The following CSMD1 variants were observed in gnomAD, a reference collection of about 807,000 sequenced individuals.
CSMD1 encodes the protein CUB and Sushi multiple domains 1.
In CSMD1, 213 loss-of-function variants were observed where a neutral mutation model predicts 417.5. The observed-to-expected ratio is 0.51, with a 90% CI of 0.46 to 0.57. The LOEUF (loss-of-function observed/expected upper bound fraction) is 0.57. CSMD1 is among the 20% of genes least tolerant of loss of function. The probability of loss-of-function intolerance (pLI) is 0.00; values close to 1 mark genes in which losing one functional copy is unlikely to be tolerated. For synonymous variants in CSMD1, 2,862 were observed against 1,736.8 expected (o/e 1.65, Z -16.11); for missense variants, 6,923 against 4,529.7 (o/e 1.53, Z -15.17).
chr8:3,751,712 A>T (rs1401935822), intron 6 of CSMD1, among the ~76,000 whole-genome samples: 1 of 152,062 alleles, frequency 6.6e-6, no homozygotes, highest in Non-Finnish European at 1.5e-5. Context: ...TGAGTTTCTT[A>T]TATCTACCAT....
At position 3,932,096 on chromosome 8, in the gene CSMD1, A is replaced by G. The variant is rs1475243694; in HGVS notation, c.818+65807T>C. 1.3e-4 allele frequency among the ~76,000 whole-genome samples: 20 copies of G among 150,528 alleles called. 2 individuals carry two copies. The highest frequency in any genetic ancestry group is 1.3e-3 in the Admixed American group (19 of 15,122). Reference sequence around the variant, plus strand: ...ATATCTATTGGAATGACACACATCCAGAATAACATTCTTGAAAGTAGATGA... The same window carrying G: ...ATATCTATTGGAATGACACACATCCGGAATAACATTCTTGAAAGTAGATGA... On this transcript the variant is annotated intron_variant, in intron 5 of 69. Transcript: ENST00000635120.
chr8:2,964,502 G>A (rs914139468), intron 59 of CSMD1, among the ~76,000 whole-genome samples: 1 of 152,330 alleles, frequency 6.6e-6, no homozygotes, highest in Admixed American at 6.5e-5. Context: ...GACAGAGAGA[G>A]AAAGAGGTCC....
At chr8:4,690,469 A>G (rs879508038) in intron 1 of CSMD1, among the ~76,000 whole-genome samples, 4 of 152,190 alleles carry the variant, frequency 2.6e-5, no homozygotes, top group Admixed American at 2.0e-4. Flanking sequence ...CAAAATTTGT[A>G]TTTTAAAAGT....
intron 1 of CSMD1, among the ~76,000 whole-genome samples, chr8:4,758,348 G>A (rs182031676): frequency 6.6e-6 from 1 of 152,142 alleles, no homozygotes; most frequent in Non-Finnish European, 1.5e-5. Flanking sequence ...TTTAGAATTT[G>A]CCTCTATGTA....
intron 5 of CSMD1, among the ~76,000 whole-genome samples, chr8:3,981,017 C>A (rs1373263447): frequency 6.6e-6 from 1 of 152,128 alleles, no homozygotes; most frequent in African/African-American, 2.4e-5. Context: ...CTTCAAGGTT[C>A]AACTATCCTG....
chr8:3,745,897 A>T (rs528892289), intron 6 of CSMD1, among the ~76,000 whole-genome samples: 1 of 152,146 alleles, frequency 6.6e-6, no homozygotes, highest in Non-Finnish European at 1.5e-5. Flanking sequence ...AGCAGTCACT[A>T]CAGCAGCTCG....
intron 3 of CSMD1, among the ~76,000 whole-genome samples, chr8:4,264,479 T>C (rs1282410004): frequency 2.0e-5 from 3 of 152,182 alleles, no homozygotes; most frequent in East Asian, 1.9e-4. Context: ...AATTCTCTCA[T>C]CGTTCTAGTT....
At chr8:4,845,346 G>A (rs941037672) in intron 1 of CSMD1, among the ~76,000 whole-genome samples, 1 of 152,110 alleles carries the variant, frequency 6.6e-6, no homozygotes, top group Non-Finnish European at 1.5e-5. Flanking sequence ...CTAGCCAGGG[G>A]ATACATATCC....
intron 11 of CSMD1, among the ~76,000 whole-genome samples, chr8:3,471,399 T>A (rs1196039737): frequency 1.3e-5 from 2 of 152,304 alleles, no homozygotes; most frequent in East Asian, 3.9e-4. Context: ...TCAATTTTGG[T>A]TCCACATGCA....
At chr8:4,732,850 T>G (rs1190005396) in intron 1 of CSMD1, among the ~76,000 whole-genome samples, 3 of 152,176 alleles carry the variant, frequency 2.0e-5, no homozygotes. Context: ...CTAGTTGACA[T>G]CCACACTCAT....
chr8:4,313,005 G>A (rs79732691), intron 3 of CSMD1, among the ~76,000 whole-genome samples: 2 of 152,076 alleles, frequency 1.3e-5, no homozygotes, highest in Middle Eastern at 6.3e-3. Flanking sequence ...AAGATGGGGA[G>A]GTAGAATTTA....
chr8:4,032,975 C>A (rs372163453), intron 3 of CSMD1, among the ~76,000 whole-genome samples: 8 of 152,028 alleles, frequency 5.3e-5, no homozygotes, highest in African/African-American at 1.7e-4. Flanking sequence ...ATACGAAACA[C>A]TGACAATCTG....
At chr8:3,425,965 G>C (rs747966002) in intron 12 of CSMD1, among the ~76,000 whole-genome samples, 8 of 152,090 alleles carry the variant, frequency 5.3e-5, no homozygotes, top group Non-Finnish European at 7.4e-5. Flanking sequence ...TTTATCTCAA[G>C]TAAAATGTGT....
intron 11 of CSMD1, among the ~76,000 whole-genome samples, chr8:3,493,081 G>T (rs563919145): frequency 1.3e-5 from 2 of 151,986 alleles, no homozygotes; most frequent in Non-Finnish European, 2.9e-5. Flanking sequence ...ATCACCAGAG[G>T]TCAGGAGTTC....
intron 3 of CSMD1, among the ~76,000 whole-genome samples, chr8:4,106,854 AC>A (rs1801594502): frequency 6.6e-6 from 1 of 152,140 alleles, no homozygotes; most frequent in South Asian, 2.1e-4. Flanking sequence ...GAAAAGAAAA[AC>A]TGCCCCGCAT....
At chr8:4,368,402 G>A (rs977096091) in intron 3 of CSMD1, among the ~76,000 whole-genome samples, 4 of 151,908 alleles carry the variant, frequency 2.6e-5, no homozygotes, top group Admixed American at 1.3e-4. Context: ...TATTTTCTAC[G>A]TTCATCAGGA....
chr8:4,029,059 G>C (rs981280295), intron 4 of CSMD1, among the ~76,000 whole-genome samples: 1 of 152,184 alleles, frequency 6.6e-6, no homozygotes, highest in Non-Finnish European at 1.5e-5. Context: ...TGAGAAGACT[G>C]ACAGTGTTGA....
At chr8:3,583,263 A>G (rs1434980042) in intron 9 of CSMD1, among the ~76,000 whole-genome samples, 1 of 151,898 alleles carries the variant, frequency 6.6e-6, no homozygotes, top group Non-Finnish European at 1.5e-5. Context: ...CACAGAGTCA[A>G]CTGCTTGGAC....
intron 1 of CSMD1, among the ~76,000 whole-genome samples, chr8:4,691,093 G>A (rs116069717): frequency 6.6e-6 from 1 of 152,140 alleles, no homozygotes; most frequent in Non-Finnish European, 1.5e-5. Context: ...TTTTTAAATG[G>A]ATTTTCCCCA....
Sources: allele counts gnomAD v4.1 joint callset (sites outside exome capture counted in the v4.1 genomes callset), GRCh38; gene constraint gnomAD v4.1.1; transcripts MANE v1.5; gene names NCBI Gene and HGNC (gene_info 2026-07-23, HGNC 2026-07-21).